The following DLG2 variants were observed in gnomAD, a reference collection of about 807,000 sequenced individuals.
The protein encoded by DLG2 is discs large MAGUK scaffold protein 2, also known as disks large homolog 2.
In DLG2, 45 loss-of-function variants were observed where a neutral mutation model predicts 132.5. The ratio of observed to expected loss-of-function variants is 0.34; its 90% CI spans 0.27 to 0.44. The LOEUF is 0.44. Among genes scored for constraint, DLG2 ranks in the 20% least tolerant of loss-of-function variants. DLG2 has a pLI of 1.00. For synonymous variants in DLG2, 424 were observed against 419.6 expected (o/e 1.01, Z -0.13); for missense variants, 1,045 against 1,196.9 (o/e 0.87, Z 1.87).
chr11:85,608,796 T>C (rs2080778575), intron 2 of DLG2, among the ~76,000 whole-genome samples: 1 of 152,188 alleles, frequency 6.6e-6, no homozygotes, highest in Non-Finnish European at 1.5e-5. Flanking sequence ...ATGGTCCTGA[T>C]AGGTACATAG....
At chr11:83,518,685 T>A (rs1285548363) in intron 21 of DLG2, among the ~76,000 whole-genome samples, 1 of 152,164 alleles carries the variant, frequency 6.6e-6, no homozygotes, top group Non-Finnish European at 1.5e-5. Flanking sequence ...ACTTTAAGTG[T>A]CTGAATTATA....
intron 3 of DLG2, among the ~76,000 whole-genome samples, chr11:85,519,575 C>A (rs563627475): frequency 5.9e-5 from 9 of 152,142 alleles, no homozygotes; most frequent in Non-Finnish European, 1.2e-4. Context: ...AGGGACTTGC[C>A]TTTTCTCAGA....
At chr11:83,770,259 T>TTTTTTTG (rs2094335794) in intron 18 of DLG2, among the ~76,000 whole-genome samples, 1 of 150,026 alleles carries the variant, frequency 6.7e-6, no homozygotes, top group African/African-American at 2.5e-5. Context: ...TCTGGTGTTT[T>TTTTTTTG]TTTTTGTTTT....
intron 21 of DLG2, among the ~76,000 whole-genome samples, chr11:83,519,213 G>C (rs2095400702): frequency 6.6e-6 from 1 of 152,204 alleles, no homozygotes; most frequent in Non-Finnish European, 1.5e-5. Flanking sequence ...AGAAACAGTG[G>C]TGAGAGAACT....
intron 16 of DLG2, among the ~76,000 whole-genome samples, chr11:83,843,604 T>A (rs1412639789): frequency 8.3e-6 from 1 of 119,996 alleles, no homozygotes; most frequent in Non-Finnish European, 1.8e-5. Context: ...AAAATATTGT[T>A]TCATGAACGG....
At chr11:84,455,002 C>A (rs1013558884) in intron 7 of DLG2, among the ~76,000 whole-genome samples, 5 of 151,484 alleles carry the variant, frequency 3.3e-5, no homozygotes, top group East Asian at 3.9e-4. Flanking sequence ...TCAATAAGGA[C>A]ACTTAGCATC....
At chr11:85,281,416 C>G (rs1485740809) in intron 4 of DLG2, among the ~76,000 whole-genome samples, 1 of 151,912 alleles carries the variant, frequency 6.6e-6, no homozygotes, top group Non-Finnish European at 1.5e-5. Flanking sequence ...TTCTTCCTAT[C>G]AACCTTAATA....
intron 6 of DLG2, among the ~76,000 whole-genome samples, chr11:85,057,916 T>C (rs1019433229): frequency 5.3e-5 from 8 of 151,546 alleles, no homozygotes; most frequent in Admixed American, 4.6e-4. Context: ...TTAAAAATCA[T>C]AGCAAACTAA....
At chr11:85,257,032 G>A (rs1281033976) in intron 4 of DLG2, among the ~76,000 whole-genome samples, 1 of 152,170 alleles carries the variant, frequency 6.6e-6, no homozygotes, top group Non-Finnish European at 1.5e-5. Flanking sequence ...AAGTGTACAT[G>A]TGAGCTAAAT....
intron 15 of DLG2, among the ~76,000 whole-genome samples, chr11:83,875,831 C>G (rs183604154): frequency 7.9e-5 from 12 of 152,238 alleles, no homozygotes; most frequent in Middle Eastern, 3.4e-3. Flanking sequence ...GAACCTTGGT[C>G]ACCACAGGTG....
intron 8 of DLG2, among the ~76,000 whole-genome samples, chr11:84,209,286 T>G (rs2096719174): frequency 6.6e-6 from 1 of 152,218 alleles, no homozygotes; most frequent in South Asian, 2.1e-4. Flanking sequence ...ACTTGGCCAG[T>G]ATTCTAAAGA....
At chr11:85,499,673 T>G (rs190855288) in intron 3 of DLG2, among the ~76,000 whole-genome samples, 1 of 152,168 alleles carries the variant, frequency 6.6e-6, no homozygotes, top group Admixed American at 6.5e-5. Context: ...ATAACCCTGA[T>G]GAATATTGAC....
At chr11:85,064,092 T>C (rs1410856641) in intron 6 of DLG2, among the ~76,000 whole-genome samples, 1 of 151,872 alleles carries the variant, frequency 6.6e-6, no homozygotes, top group Non-Finnish European at 1.5e-5. Flanking sequence ...TGAATGTCTG[T>C]CATATAATTA....
chr11:84,098,504 G>T (rs570390811), intron 10 of DLG2, among the ~76,000 whole-genome samples: 3 of 152,260 alleles, frequency 2.0e-5, no homozygotes, highest in Admixed American at 6.5e-5. Flanking sequence ...AACGCCTAGA[G>T]AAAGCCCTAT....
chr11:85,323,418 G>C (rs2081218502), intron 3 of DLG2, among the ~76,000 whole-genome samples: 1 of 152,110 alleles, frequency 6.6e-6, no homozygotes, highest in Non-Finnish European at 1.5e-5. Context: ...CATATGTTTT[G>C]ATACATGCAT....
chr11:84,772,958 C>T (rs970289809), intron 6 of DLG2, among the ~76,000 whole-genome samples: 31 of 151,832 alleles, frequency 2.0e-4, no homozygotes, highest in African/African-American at 7.3e-4. Context: ...AAGTGAATGA[C>T]ATTGATAACC....
At chr11:85,358,698 G>T (rs1439125685) in intron 3 of DLG2, among the ~76,000 whole-genome samples, 1 of 152,120 alleles carries the variant, frequency 6.6e-6, no homozygotes, top group Non-Finnish European at 1.5e-5. Flanking sequence ...ACTTCTAGCT[G>T]GAACCAAACA....
chr11:85,318,446 A>G (rs767132874), intron 3 of DLG2, among the ~76,000 whole-genome samples: 28 of 151,886 alleles, frequency 1.8e-4, no homozygotes, highest in Non-Finnish European at 3.2e-4. Context: ...GTAGAAAAAA[A>G]AGGAAAGTAC....
At chr11:83,710,377 G>T (rs527313983) in intron 18 of DLG2, among the ~76,000 whole-genome samples, 1 of 152,202 alleles carries the variant, frequency 6.6e-6, no homozygotes, top group East Asian at 1.9e-4. Flanking sequence ...GGCCAGGTTG[G>T]TCTCGAACTT....
Sources: gnomAD v4.1 joint callset for allele counts (sites outside exome capture counted in the v4.1 genomes callset) on GRCh38, gnomAD v4.1.1 for gene constraint, MANE v1.5 for transcripts, NCBI Gene and HGNC (gene_info 2026-07-23, HGNC 2026-07-21) for gene names.